Variants in FCF1 observed in about 807,000 individuals in gnomAD.
FCF1 encodes rRNA-processing protein FCF1 homolog.
FCF1 carries 17 observed loss-of-function variants against 32.5 expected under a neutral mutation model. The observed-to-expected ratio is 0.52, with a 90% CI of 0.36 to 0.78. FCF1 has a LOEUF of 0.78. Among genes scored for constraint, FCF1 ranks in the 30% least tolerant of loss-of-function variants. The pLI is 0.00. For missense variants in FCF1, 201 were observed against 241.1 expected (o/e 0.83, Z 1.10); for synonymous variants, 84 against 78.4 (o/e 1.07, Z -0.38).
intron 5 of FCF1, among the ~76,000 whole-genome samples, chr14:74,725,429 G>A (rs1482835529): frequency 5.9e-5 from 8 of 134,822 alleles, no homozygotes; most frequent in African/African-American, 2.2e-4. Context: ...TCAGTGAGCT[G>A]AGGTCATGCC....
At chr14:74,725,507 A>C (rs1050651062) in intron 5 of FCF1, among the ~76,000 whole-genome samples, 14 of 150,014 alleles carry the variant, frequency 9.3e-5, no homozygotes, top group East Asian at 3.9e-4. Flanking sequence ...AAAAAAAAAA[A>C]AACTGGGTAC....
Position 74,735,443 on chromosome 14 carries a change from G to A in FCF1, c.*513G>A, listed in dbSNP as rs1233989964. On this transcript the variant is annotated 3_prime_UTR_variant, in exon 8 of 8. Transcript: ENST00000341162. ...CACGGGGAATTGGATTTTCTTACAT[G>A]CAACTGAATTTCTGCTTACACATTT... 1 of 152,496 alleles carries A rather than the reference G, an allele frequency of 6.6e-6. No individual in the cohort carries two copies. The highest frequency in any genetic ancestry group is 1.5e-5 in the Non-Finnish European group (1 of 68,338). 9.4% of individuals were successfully genotyped at this position (152,496 alleles called of 1,614,324 possible). A position where few individuals can be genotyped will look rare whatever the true frequency, so the allele number is the denominator to read the frequency against.
intron 1 of FCF1, 70 bp downstream of exon 1, chr14:74,713,270 C>T (rs369094495): frequency 1.2e-5 from 19 of 1,613,984 alleles, no homozygotes; most frequent in African/African-American, 4.0e-5. Context: ...GTAGTCAGAC[C>T]GTGGCCAAAT....
chr14:74,721,555 G>T (rs1249082613), intron 4 of FCF1, among the ~76,000 whole-genome samples: 1 of 152,054 alleles, frequency 6.6e-6, no homozygotes, highest in Non-Finnish European at 1.5e-5. Context: ...ACAAAAATTA[G>T]CTGGGCGTGG....
chr14:74,720,804 C>T (rs1412644478), intron 4 of FCF1, among the ~76,000 whole-genome samples: 1 of 152,042 alleles, frequency 6.6e-6, no homozygotes, highest in Non-Finnish European at 1.5e-5. Context: ...AAAGAGCCAC[C>T]ATGCCTGGCT....
chr14:74,726,207 C>T (rs1020050536), intron 5 of FCF1, among the ~76,000 whole-genome samples: 1 of 151,972 alleles, frequency 6.6e-6, no homozygotes, highest in African/African-American at 2.4e-5. Context: ...CAACAGCAGT[C>T]AGGCACTGTG....
intron 5 of FCF1, among the ~76,000 whole-genome samples, chr14:74,724,573 A>G (rs1339656565): frequency 6.6e-6 from 1 of 152,210 alleles, no homozygotes; most frequent in African/African-American, 2.4e-5. Flanking sequence ...GGCATGAGCC[A>G]CCACACCCAA....
intron 5 of FCF1, among the ~76,000 whole-genome samples, chr14:74,729,359 A>G (rs1157264124): frequency 1.3e-5 from 2 of 151,748 alleles, no homozygotes; most frequent in Non-Finnish European, 2.9e-5. Context: ...GAATTTATCC[A>G]TTTCTTCTAG....
At chr14:74,725,569 G>A (rs1038000203) in intron 5 of FCF1, among the ~76,000 whole-genome samples, 8 of 149,986 alleles carry the variant, frequency 5.3e-5, no homozygotes, top group Middle Eastern at 7.0e-3. Context: ...GGGGAGGATC[G>A]CTGGAGCCCA....
At chr14:74,726,360 A>G (rs554627584) in intron 5 of FCF1, among the ~76,000 whole-genome samples, 1 of 151,902 alleles carries the variant, frequency 6.6e-6, no homozygotes, top group African/African-American at 2.4e-5. Flanking sequence ...GGTGGCATGT[A>G]CTTGTATTCC....
intron 4 of FCF1, among the ~76,000 whole-genome samples, chr14:74,717,135 G>A (rs1030705201): frequency 1.4e-4 from 21 of 152,246 alleles, no homozygotes; most frequent in African/African-American, 4.8e-4. Context: ...CAAAGCAGGC[G>A]GATCATGAGG....
intron 5 of FCF1, among the ~76,000 whole-genome samples, chr14:74,730,526 C>T (rs2090622498): frequency 6.6e-6 from 1 of 152,026 alleles, no homozygotes; most frequent in Non-Finnish European, 1.5e-5. Context: ...CCAGTCTGAC[C>T]AATGTGGTGA....
At chr14:74,715,774 T>G in intron 3 of FCF1, 177 bp from the exon 4 acceptor site, 55 of 1,425,506 alleles carry the variant, frequency 3.9e-5, no homozygotes, top group Non-Finnish European at 4.3e-5. Flanking sequence ...CCAGGGGAGC[T>G]GAGATTAAGA....
chr14:74,723,333 A>G lies in FCF1; in HGVS notation c.354A>G (p.Arg118=), dbSNP rs777007341. The G allele has an allele frequency of 8.1e-6, 13 of 1,612,540 alleles. No individual in the cohort carries two copies. The highest frequency in any genetic ancestry group is 1.1e-5 in the Non-Finnish European group (13 of 1,178,804). Residue 118 remains arginine, a synonymous_variant, in exon 5 of 8, where the codon CGA becomes CGG. Coordinates refer to ENST00000341162, the MANE Select transcript of FCF1 (RefSeq NM_015962.5). ...TTGAGAAATTGGGGCAGAAGTATCGAGTGGCTCTAAGGTAGGAAGGAGGTA... is the reference window on the plus strand; with the variant it reads ...TTGAGAAATTGGGGCAGAAGTATCGGGTGGCTCTAAGGTAGGAAGGAGGTA... The part of the protein sequence containing the change: ...AEIEKLGQKY[R]VALRIAKDPR...
In FCF1 at chr14:74,713,495, A is replaced by G. The variant is rs760774820; in HGVS notation, c.14A>G (p.Lys5Arg). 1.2e-6 allele frequency: 2 copies of G among 1,612,814 alleles called. No individual in the cohort carries two copies. The highest frequency in any genetic ancestry group is 1.7e-5 in the Admixed American group (1 of 60,016). ...AATTTCTGTTTCAAGGGGAAGCAAA[A>G]GAAAACAAGGAAGTATGCGACCATG... MGKQ[K>R]KTRKYATMKR... Residue 5 changes from lysine to arginine, a missense_variant, in exon 2 of 8, where the codon AAG becomes AGG. Around this residue, in one of 3 missense-constraint regions of FCF1, gnomAD observed 76 missense variants for 75.0 expected, o/e 1.01. Transcript: ENST00000341162.
intron 3 of FCF1, 110 bp downstream of exon 3, chr14:74,715,053 T>C: frequency 1.8e-6 from 2 of 1,107,694 alleles, no homozygotes; most frequent in Non-Finnish European, 2.5e-6. Context: ...CTAGCACAAC[T>C]ATGTAGATGA....
chr14:74,729,989 C>A (rs1318553145), intron 5 of FCF1, among the ~76,000 whole-genome samples: 2 of 151,814 alleles, frequency 1.3e-5, no homozygotes, highest in Non-Finnish European at 2.9e-5. Context: ...AATTTCTGTT[C>A]TTTTATATTT....
chr14:74,716,737 A>G (rs1445683123), intron 4 of FCF1, among the ~76,000 whole-genome samples: 2 of 152,198 alleles, frequency 1.3e-5, no homozygotes, highest in African/African-American at 4.8e-5. Context: ...TCATAGTAAG[A>G]TCTGTCCCAT....
chr14:74,720,003 G>A (rs1381829044), intron 4 of FCF1, among the ~76,000 whole-genome samples: 4 of 152,080 alleles, frequency 2.6e-5, no homozygotes, highest in East Asian at 1.9e-4. Context: ...TTAGCCGGGC[G>A]TGGTGGCAGG....
Sources: allele counts gnomAD v4.1 joint callset (sites outside exome capture counted in the v4.1 genomes callset), GRCh38; gene constraint gnomAD v4.1.1; regional missense constraint gnomAD v4.1.1; transcripts MANE v1.5; gene names NCBI Gene and HGNC (gene_info 2026-07-23, HGNC 2026-07-21).